Variants in NMU observed in about 807,000 individuals in gnomAD.
NMU encodes neuromedin-U.
A neutral mutation model predicts 35.4 loss-of-function variants in NMU; 29 were observed. That is an observed-to-expected ratio of 0.82 (90% CI 0.61 to 1.12). NMU has a LOEUF of 1.12. NMU is among the 50% of genes most tolerant of loss of function. NMU has a pLI of 0.00. For synonymous variants in NMU, 78 were observed against 81.3 expected, an observed-to-expected ratio of 0.96 and a Z score of 0.22; for missense variants, 199 against 206.2, an observed-to-expected ratio of 0.97 and a Z score of 0.21.
intron 1 of NMU, among the ~76,000 whole-genome samples, chr4:55,631,270 A>T (rs1338705737): frequency 1.3e-5 from 2 of 152,198 alleles, no homozygotes; most frequent in Non-Finnish European, 2.9e-5. Flanking sequence ...TTAGGCAAAG[A>T]ATTCATGACT....
chr4:55,629,293 G>A (rs1734666024), intron 2 of NMU, among the ~76,000 whole-genome samples: 1 of 151,502 alleles, frequency 6.6e-6, no homozygotes, highest in Non-Finnish European at 1.5e-5. Flanking sequence ...CTGAAATGGG[G>A]TTTCACTATG....
At chr4:55,609,079 G>A (rs1381016287) in intron 4 of NMU, 41 bp downstream of exon 4, 1 of 1,548,894 alleles carries the variant, frequency 6.5e-7, no homozygotes, top group Non-Finnish European at 8.9e-7. Flanking sequence ...GAAATTTTTG[G>A]ATAATTTTTG....
chr4:55,605,613 T>C (rs931599434), intron 6 of NMU, among the ~76,000 whole-genome samples: 1 of 152,198 alleles, frequency 6.6e-6, no homozygotes, highest in East Asian at 1.9e-4. Flanking sequence ...CGGCTGCAGC[T>C]CTCTTGTGAA....
intron 2 of NMU, among the ~76,000 whole-genome samples, chr4:55,629,202 C>T (rs1363876090): frequency 2.6e-5 from 4 of 152,068 alleles, no homozygotes; most frequent in Non-Finnish European, 5.9e-5. Flanking sequence ...TTCTGTTTTT[C>T]AGATGCTCCA....
intron 2 of NMU, among the ~76,000 whole-genome samples, chr4:55,627,409 A>C (rs571026883): frequency 1.3e-5 from 2 of 151,638 alleles, no homozygotes; most frequent in Admixed American, 6.6e-5. Flanking sequence ...TTTTTTTTAA[A>C]GTAAATGAAA....
At chr4:55,596,509 A>G (rs1367593091) in intron 9 of NMU, among the ~76,000 whole-genome samples, 2 of 151,970 alleles carry the variant, frequency 1.3e-5, no homozygotes, top group African/African-American at 4.8e-5. Context: ...TTAAATGCCA[A>G]TGTACATTTA....
chr4:55,615,421 C>T (rs78540974), intron 3 of NMU, among the ~76,000 whole-genome samples: 1,643 of 152,240 alleles, frequency 0.011, 36 homozygotes, highest in African/African-American at 0.036. Context: ...CTGGGACTTG[C>T]AGGCAAGTTT....
chr4:55,604,803 G>A (rs1244621338), intron 7 of NMU, among the ~76,000 whole-genome samples: 1 of 148,872 alleles, frequency 6.7e-6, no homozygotes, highest in Non-Finnish European at 1.5e-5. Flanking sequence ...AAAGTTGAAG[G>A]GATTACAGGT....
At chr4:55,635,968 T>C (rs898840974) in intron 1 of NMU, 113 bp downstream of exon 1, 1 of 1,509,648 alleles carries the variant, frequency 6.6e-7, no homozygotes, top group Non-Finnish European at 8.9e-7. Context: ...AGAAGCCAAG[T>C]GAAGTCCCAG....
rs1213155036 is a variant in NMU at position 55,620,001 on chromosome 4, G to A, written c.172-3616C>T. ...AACAACCAGAAAGGACATCCACACCGAAAACCCATCTGTATATCACCATCA... is the reference window on the plus strand; with the variant it reads ...AACAACCAGAAAGGACATCCACACCAAAAACCCATCTGTATATCACCATCA... On this transcript the variant is annotated intron_variant, in intron 2 of 9. Coordinates refer to ENST00000264218, the MANE Select transcript of NMU (RefSeq NM_006681.4). Among the ~76,000 whole-genome samples the A allele has an allele frequency of 5.4e-3, 809 of 149,238 alleles. 9 individuals are homozygous for A. Among genetic ancestry groups the A allele is most frequent in the Non-Finnish European group, 8.6e-3 (573 of 67,014 alleles).
At chr4:55,630,747 C>T (rs1734721559) in intron 1 of NMU, among the ~76,000 whole-genome samples, 1 of 152,010 alleles carries the variant, frequency 6.6e-6, no homozygotes, top group African/African-American at 2.4e-5. Context: ...TGAAAATGAC[C>T]ATACTGCCCA....
intron 4 of NMU, among the ~76,000 whole-genome samples, chr4:55,607,936 C>T (rs1733760058): frequency 6.6e-6 from 1 of 152,004 alleles, no homozygotes; most frequent in Admixed American, 6.6e-5. Context: ...TTTGGGAGCC[C>T]GAGGTGGGCG....
intron 1 of NMU, among the ~76,000 whole-genome samples, chr4:55,633,880 G>A (rs1715751721): frequency 6.6e-6 from 1 of 152,186 alleles, no homozygotes; most frequent in Non-Finnish European, 1.5e-5. Flanking sequence ...GCAAAATCAA[G>A]TAACAGTTTG....
At chr4:55,618,896 T>C (rs1452865169) in intron 2 of NMU, among the ~76,000 whole-genome samples, 1 of 150,472 alleles carries the variant, frequency 6.6e-6, no homozygotes. Flanking sequence ...TTTTTTTTTT[T>C]TGTCTGGCTG....
intron 6 of NMU, 24 bp downstream of exon 6, chr4:55,607,274 C>T (rs765974028): frequency 1.8e-5 from 28 of 1,534,590 alleles, no homozygotes; most frequent in East Asian, 4.5e-5. Context: ...TTAGTGATTA[C>T]TAAGAAGTAG....
At chr4:55,618,706 CT>C in intron 2 of NMU, among the ~76,000 whole-genome samples, 1 of 130,660 alleles carries the variant, frequency 7.7e-6, no homozygotes, top group East Asian at 2.2e-4. Context: ...TCTCTTCTTT[CT>C]TTTTCTTTCT....
chr4:55,632,654 A>G (rs767902086), intron 1 of NMU, among the ~76,000 whole-genome samples: 5 of 152,206 alleles, frequency 3.3e-5, no homozygotes, highest in African/African-American at 4.8e-5. Context: ...AAATTTCCAT[A>G]TAAAACACCT....
intron 7 of NMU, among the ~76,000 whole-genome samples, chr4:55,604,255 G>A (rs1043876565): frequency 4.6e-5 from 7 of 150,638 alleles, no homozygotes; most frequent in African/African-American, 1.7e-4. Flanking sequence ...TAGTAGAGAC[G>A]GTGTTTCACC....
chr4:55,616,934 T>C (rs1235980253), intron 2 of NMU, among the ~76,000 whole-genome samples: 2 of 151,454 alleles, frequency 1.3e-5, no homozygotes, highest in African/African-American at 4.8e-5. Context: ...AGTTGGCAAC[T>C]AACTATTTTC....
Sources: allele counts gnomAD v4.1 joint callset (sites outside exome capture counted in the v4.1 genomes callset), GRCh38; gene constraint gnomAD v4.1.1; transcripts MANE v1.5; gene names NCBI Gene and HGNC (gene_info 2026-07-23, HGNC 2026-07-21).